The following NACC2 variants were observed in gnomAD, a reference collection of about 807,000 sequenced individuals.
NACC2 encodes the protein nucleus accumbens-associated protein 2.
A neutral mutation model predicts 25.1 loss-of-function variants in NACC2; 8 were observed. That is an observed-to-expected ratio of 0.32 (90% CI 0.19 to 0.57). The LOEUF (loss-of-function observed/expected upper bound fraction) is 0.57. Ranked by LOEUF, NACC2 falls within the 20% of genes least tolerant of loss-of-function variation. The pLI, the probability that NACC2 is intolerant of heterozygous loss-of-function variation, is 0.89. For missense variants in NACC2, 644 were observed against 650.2 expected (o/e 0.99, Z 0.10); for synonymous variants, 435 against 294.7 (o/e 1.48, Z -4.88).
At chr9:136,016,222 T>A in intron 3 of NACC2, 43 bp downstream of exon 3, 1 of 1,598,460 alleles carries the variant, frequency 6.3e-7, no homozygotes, top group Non-Finnish European at 8.6e-7. Flanking sequence ...AATAAATAAA[T>A]GAGGACATTT....
chr9:136,053,417 G>A (rs1392428144), intron 1 of NACC2, among the ~76,000 whole-genome samples: 4 of 152,104 alleles, frequency 2.6e-5, no homozygotes, highest in East Asian at 1.9e-4. Context: ...GGATGGGGGC[G>A]TTTACAGAAA....
intron 2 of NACC2, among the ~76,000 whole-genome samples, chr9:136,043,609 G>A (rs1023220192): frequency 1.3e-5 from 2 of 152,318 alleles, no homozygotes; most frequent in East Asian, 1.9e-4. Context: ...ACCGCTGCAC[G>A]GTCTCACGCA....
intron 1 of NACC2, among the ~76,000 whole-genome samples, chr9:136,091,724 T>C (rs1271503248): frequency 2.0e-5 from 3 of 151,496 alleles, no homozygotes; most frequent in Non-Finnish European, 2.9e-5. Flanking sequence ...TCCCAGCAAA[T>C]GGGCAGCTGC....
At chr9:136,051,237 G>C (rs2131163588) in intron 1 of NACC2, among the ~76,000 whole-genome samples, 1 of 152,318 alleles carries the variant, frequency 6.6e-6, no homozygotes, top group East Asian at 1.9e-4. Context: ...CGCGCAGAGA[G>C]ACCACCCTGG....
intron 1 of NACC2, among the ~76,000 whole-genome samples, chr9:136,056,439 C>T (rs544390695): frequency 2.1e-4 from 32 of 152,320 alleles, no homozygotes; most frequent in Non-Finnish European, 3.5e-4. Context: ...ACCTCACAGT[C>T]GGGAGGCAGC....
chr9:136,012,804 G>A (rs536587073), intron 5 of NACC2, among the ~76,000 whole-genome samples: 6 of 152,320 alleles, frequency 3.9e-5, no homozygotes, highest in South Asian at 2.1e-4. Flanking sequence ...CGGGGGCGGC[G>A]GTCTGCCCTG....
Position 136,084,085 on chromosome 9 carries a change from C to T in NACC2, c.-60+11104G>A, listed in dbSNP as rs903035365. 5.3e-5 allele frequency among the ~76,000 whole-genome samples: 8 copies of T among 152,022 alleles called. No individual in the cohort carries two copies. Among genetic ancestry groups the T allele is most frequent in the Admixed American group, 5.2e-4 (8 of 15,282 alleles). ...GGGGAGGTAGGGAAGGTGGTGCTCG[C>T]TGAGGGTGTCCCTCACTCAGTGGCT... On this transcript the variant is annotated intron_variant, in intron 1 of 5. Transcript: ENST00000277554. This position sits in a 1 kb window ranked among gnomAD's most constrained non-coding sequence, Gnocchi z 5.1.
chr9:136,056,684 G>A (rs771370905), intron 1 of NACC2, among the ~76,000 whole-genome samples: 1 of 152,160 alleles, frequency 6.6e-6, no homozygotes, highest in Non-Finnish European at 1.5e-5. Flanking sequence ...GGGCCCCCTC[G>A]GACTATCACT....
chr9:136,023,043 A>C (rs1840315971), intron 2 of NACC2, among the ~76,000 whole-genome samples: 2 of 73,972 alleles, frequency 2.7e-5, no homozygotes, highest in Non-Finnish European at 5.1e-5. Flanking sequence ...GGAAGGAGGG[A>C]GGGAAGGAGG....
chr9:136,036,810 G>A (rs1276272907), intron 2 of NACC2, among the ~76,000 whole-genome samples: 4 of 152,094 alleles, frequency 2.6e-5, no homozygotes, highest in Non-Finnish European at 4.4e-5. Flanking sequence ...AGAGGGTAAG[G>A]GGCAGAAGAA....
At chr9:136,026,714 G>C (rs991469901) in intron 2 of NACC2, among the ~76,000 whole-genome samples, 2 of 152,186 alleles carry the variant, frequency 1.3e-5, no homozygotes, top group African/African-American at 4.8e-5. Flanking sequence ...TTCTAACTCA[G>C]GATGAATGCT....
At chr9:136,067,195 G>A (rs555640283) in intron 1 of NACC2, among the ~76,000 whole-genome samples, 5 of 151,316 alleles carry the variant, frequency 3.3e-5, no homozygotes, top group Admixed American at 6.6e-5. Flanking sequence ...CGGACGTTGC[G>A]GTGAGCCAAG....
chr9:136,057,254 G>A (rs1051908760), intron 1 of NACC2, among the ~76,000 whole-genome samples: 24 of 152,210 alleles, frequency 1.6e-4, no homozygotes, highest in Non-Finnish European at 1.8e-4. Context: ...CCACCAACAC[G>A]CTCATCTCTA....
intron 3 of NACC2, among the ~76,000 whole-genome samples, chr9:136,015,024 C>T (rs1279321646): frequency 6.6e-6 from 1 of 152,148 alleles, no homozygotes; most frequent in African/African-American, 2.4e-5. Flanking sequence ...TTCCAGGAGC[C>T]TGTGAGTGCC....
rs1840803751 is a variant in NACC2 at position 136,050,409 on chromosome 9, C to T, written c.113G>A (p.Gly38Asp). The T allele has an allele frequency of 3.9e-6, 3 of 763,094 alleles. No individual in the cohort carries two copies. Among genetic ancestry groups the T allele is most frequent in the South Asian group, 1.4e-5 (1 of 73,690 alleles). 47.3% of individuals were successfully genotyped at this position (763,094 alleles called of 1,614,324 possible). The change falls in exon 2 of 6, where the codon GGC becomes GAC. Residue 38 changes from glycine to aspartate, a missense_variant. By Grantham distance (94) the Gly-to-Asp change is moderately conservative. Transcript: ENST00000277554. Reference protein sequence around the residue: ...LYCDVSIVVKGQAFKAHRAVL... With the variant: ...LYCDVSIVVKDQAFKAHRAVL... ...CGCCCGGTGGGCCTTGAAGGCCTGG[C>T]CCTTGACCACGATGGACACATCGCA...
chr9:136,013,054 T>C lies in NACC2; in HGVS notation c.1255+145A>G, dbSNP rs893925801. Reference sequence around the variant, plus strand: ...TGAGAGCTGCTCTTTTCTCCTCATCTTCCCCTCAATCAGACCATGCTCGGC... The same window carrying C: ...TGAGAGCTGCTCTTTTCTCCTCATCCTCCCCTCAATCAGACCATGCTCGGC... On this transcript the variant is annotated intron_variant, in intron 5 of 5. Coordinates refer to ENST00000277554, the MANE Select transcript of NACC2 (RefSeq NM_144653.5). The surrounding 1 kb of genome is among the most constrained non-coding windows in gnomAD (Gnocchi z 6.6). 1 of 619,622 alleles carries C rather than the reference T, an allele frequency of 1.6e-6. No homozygotes were observed. Among genetic ancestry groups the C allele is most frequent in the Non-Finnish European group, 2.8e-6 (1 of 356,040 alleles). The allele number at this position is 619,622 out of a possible 1,614,324, so 38.4% of individuals were successfully genotyped here. A position where few individuals can be genotyped will look rare whatever the true frequency, so the allele number is the denominator to read the frequency against.
Position 136,013,100 on chromosome 9 carries a change from G to A in NACC2, c.1255+99C>T. 1.0e-6 allele frequency: 1 copy of A among 985,776 alleles called. No homozygotes were observed. Among genetic ancestry groups the A allele is most frequent in the South Asian group, 1.6e-5 (1 of 63,398 alleles). 61.1% of individuals were successfully genotyped at this position (985,776 alleles called of 1,614,324 possible). A position where few individuals can be genotyped will look rare whatever the true frequency, so the allele number is the denominator to read the frequency against. On this transcript the variant is annotated intron_variant, in intron 5 of 5. Coordinates refer to ENST00000277554, the MANE Select transcript of NACC2 (RefSeq NM_144653.5). This position sits in a 1 kb window ranked among gnomAD's most constrained non-coding sequence, Gnocchi z 6.6. ...TCGGCCCCCAGGGACGGAAGCTGCAGGTGGCCGGGAGCACCCCCGCGGCCC... is the reference window on the plus strand; with the variant it reads ...TCGGCCCCCAGGGACGGAAGCTGCAAGTGGCCGGGAGCACCCCCGCGGCCC...
chr9:136,016,775 C>A (rs925087678), intron 2 of NACC2, among the ~76,000 whole-genome samples: 1 of 152,126 alleles, frequency 6.6e-6, no homozygotes, highest in East Asian at 1.9e-4. Flanking sequence ...GCCTGCTTGC[C>A]GGGCAGGAGT....
intron 2 of NACC2, among the ~76,000 whole-genome samples, chr9:136,035,640 G>A (rs984216491): frequency 5.3e-5 from 8 of 151,928 alleles, no homozygotes; most frequent in Admixed American, 4.6e-4. Context: ...ACATGAGGAT[G>A]ATGGATTGAG....
Sources: allele counts gnomAD v4.1 joint callset (sites outside exome capture counted in the v4.1 genomes callset), GRCh38; gene constraint gnomAD v4.1.1; non-coding constraint Gnocchi (gnomAD v3.1); transcripts MANE v1.5; gene names NCBI Gene and HGNC (gene_info 2026-07-23, HGNC 2026-07-21).